L3MBTL1: variants seen among roughly 807,000 people sequenced by gnomAD.
L3MBTL1 encodes L3MBTL histone methyl-lysine binding protein 1, also known as lethal(3)malignant brain tumor-like protein 1.
Under a neutral mutation model 105.3 loss-of-function variants are expected in L3MBTL1, and 75 were observed. The ratio of observed to expected loss-of-function variants is 0.71; its 90% CI spans 0.59 to 0.86. The LOEUF (loss-of-function observed/expected upper bound fraction) is 0.86, where lower values mean the gene tolerates loss of function less well. Ranked by LOEUF, L3MBTL1 falls within the 40% of genes least tolerant of loss-of-function variation. The pLI is 0.00. For synonymous variants in L3MBTL1, 452 were observed against 436.2 expected (o/e 1.04, Z -0.45); for missense variants, 1,069 against 1,126.4 (o/e 0.95, Z 0.73).
intron 8 of L3MBTL1, 101 bp downstream of exon 8, chr20:43,528,846 C>T: frequency 1.1e-6 from 1 of 881,846 alleles, no homozygotes; most frequent in Non-Finnish European, 1.9e-6. Context: ...AGGCATGCCT[C>T]AGTGGACTGG....
At chr20:43,527,167 T>C (rs574566983) in intron 7 of L3MBTL1, among the ~76,000 whole-genome samples, 16 of 152,306 alleles carry the variant, frequency 1.1e-4, no homozygotes, top group African/African-American at 3.8e-4. Flanking sequence ...TTCATAAGGA[T>C]CTTTTATACA....
At chr20:43,546,592 A>G (rs1978614494), downstream of L3MBTL1, among the ~76,000 whole-genome samples, 1 of 152,104 alleles carries the variant, frequency 6.6e-6, no homozygotes, top group Non-Finnish European at 1.5e-5. Flanking sequence ...AGGGGTGAGC[A>G]TAGGAGGGAT....
At chr20:43,532,971 G>A in intron 12 of L3MBTL1, 47 bp downstream of exon 12, 1 of 1,597,142 alleles carries the variant, frequency 6.3e-7, no homozygotes, top group Non-Finnish European at 8.6e-7. Context: ...GGGGATGGCA[G>A]GGGGCAACTG....
At chr20:43,523,147 T>A (rs1223373554) in intron 7 of L3MBTL1, 4 of 152,122 alleles carry the variant, frequency 2.6e-5, no homozygotes, top group Non-Finnish European at 5.9e-5. Context: ...AATGTCAGAA[T>A]ATGCAAAAAT....
intron 19 of L3MBTL1, among the ~76,000 whole-genome samples, chr20:43,537,415 C>T (rs1459125875): frequency 6.6e-6 from 1 of 152,140 alleles, no homozygotes; most frequent in Admixed American, 6.5e-5. Context: ...TCCTGGGGTC[C>T]CATGATGTGT....
intron 1 of L3MBTL1, among the ~76,000 whole-genome samples, chr20:43,511,141 C>T (rs892399985): frequency 9.9e-5 from 15 of 152,140 alleles, no homozygotes; most frequent in Non-Finnish European, 7.3e-5. Context: ...TACCCTCCAC[C>T]TCCCGGGTTC....
chr20:43,515,558 C>G, intron 6 of L3MBTL1, 143 bp downstream of exon 6: 1 of 1,084,108 alleles, frequency 9.2e-7, no homozygotes. Context: ...GGGGTCCCAT[C>G]CTGAGTTAGG....
At chr20:43,535,146 G>A (rs1397219703) in intron 16 of L3MBTL1, among the ~76,000 whole-genome samples, 2 of 152,106 alleles carry the variant, frequency 1.3e-5, no homozygotes, top group African/African-American at 2.4e-5. Context: ...CCCAGTTGTC[G>A]GGGTTTGGGG....
intron 3 of L3MBTL1, 109 bp downstream of exon 3, chr20:43,514,170 G>A: frequency 9.9e-7 from 1 of 1,014,184 alleles, no homozygotes; most frequent in Non-Finnish European, 1.5e-6. Flanking sequence ...TGGCTCAGAT[G>A]ATGGGCCCTA....
intron 18 of L3MBTL1, chr20:43,548,097 C>T (rs1978747992): frequency 2.3e-6 from 3 of 1,303,602 alleles, no homozygotes; most frequent in South Asian, 2.5e-5. Flanking sequence ...CACCTCCCTC[C>T]CGCAACCCCT....
At chr20:43,511,284 A>T (rs2145366252) in intron 1 of L3MBTL1, among the ~76,000 whole-genome samples, 1 of 152,380 alleles carries the variant, frequency 6.6e-6, no homozygotes, top group South Asian at 2.1e-4. Flanking sequence ...TTAAGCACCT[A>T]CTATGTGCCA....
intron 8 of L3MBTL1, 60 bp downstream of exon 8, chr20:43,528,805 C>A (rs1448226743): frequency 1.6e-6 from 2 of 1,276,568 alleles, no homozygotes; most frequent in Non-Finnish European, 2.3e-6. Flanking sequence ...GACACACCAC[C>A]AACCTCAGGC....
Position 43,530,832 on chromosome 20 carries a change from C to A in L3MBTL1, c.1227C>A (p.Tyr409Ter). 6.2e-7 allele frequency: 1 copy of A among 1,614,214 alleles called. No individual in the cohort carries two copies. The highest frequency in any genetic ancestry group is 8.5e-7 in the Non-Finnish European group (1 of 1,180,036). The change falls in exon 11 of 22, where the codon TAC (tyrosine) becomes TAA (stop). Residue 409 changes from tyrosine to a stop codon, truncating the protein, a stop_gained. Transcript: ENST00000418998. LOFTEE classifies it high-confidence loss of function. The stretch of plus-strand genomic sequence containing the variant: ...AGGAGGAGTTCAGCTGGAGCCAGTA[C>A]CTGCGCAGCACAAGAGCTCAGGCTG... ...YKEEEFSWSQ[Y>*]LRSTRAQAAP...
chr20:43,545,288 C>T (rs538931004), downstream of L3MBTL1, among the ~76,000 whole-genome samples: 4 of 151,996 alleles, frequency 2.6e-5, no homozygotes, highest in Admixed American at 1.3e-4. Flanking sequence ...TCACTTGAAC[C>T]CAGGAGGTGA....
At chr20:43,526,269 G>A (rs1289309050) in intron 7 of L3MBTL1, among the ~76,000 whole-genome samples, 1 of 152,180 alleles carries the variant, frequency 6.6e-6, no homozygotes, top group Non-Finnish European at 1.5e-5. Context: ...AGGAAGAAAT[G>A]GCTGTTGGGA....
chr20:43,548,101 A>G (rs1449345340), intron 18 of L3MBTL1: 4 of 1,266,218 alleles, frequency 3.2e-6, no homozygotes, highest in Non-Finnish European at 4.1e-6. Context: ...TCCCTCCCGC[A>G]ACCCCTCAGA....
intron 7 of L3MBTL1, among the ~76,000 whole-genome samples, chr20:43,525,213 G>A (rs1366413965): frequency 1.3e-5 from 2 of 151,980 alleles, no homozygotes; most frequent in Non-Finnish European, 2.9e-5. Flanking sequence ...AACGAATACC[G>A]AAAGGGCCAC....
At chr20:43,540,909 G>C in intron 21 of L3MBTL1, 25 bp from the exon 22 acceptor site, 1 of 1,613,518 alleles carries the variant, frequency 6.2e-7, no homozygotes, top group Non-Finnish European at 8.5e-7. Context: ...CTTCTGCTAA[G>C]GAGGGACCCG....
rs2019887381 is a variant in L3MBTL1 at position 43,540,989 on chromosome 20, C to T, written c.2450C>T (p.Ala817Val). 6.2e-7 allele frequency: 1 copy of T among 1,614,000 alleles called. No homozygotes were observed. Among genetic ancestry groups the T allele is most frequent in the Admixed American group, 1.7e-5 (1 of 59,986 alleles). Residue 817 changes from alanine to valine, a missense_variant, in exon 22 of 22, where the codon GCC becomes GTC. Ala to Val is a moderately conservative substitution (Grantham distance 64). Coordinates refer to ENST00000418998, the MANE Select transcript of L3MBTL1 (RefSeq NM_001377303.1). ...VSGKTLVWTV[A>V]QLGDLVCSDH... ...GGGAAGACTCTAGTCTGGACTGTGG[C>T]CCAGCTTGGGGACCTTGTGTGCTCA... is the stretch of plus-strand genomic sequence containing the variant.
Sources: allele counts gnomAD v4.1 joint callset (sites outside exome capture counted in the v4.1 genomes callset), GRCh38; gene constraint gnomAD v4.1.1; transcripts MANE v1.5; gene names NCBI Gene and HGNC (gene_info 2026-07-23, HGNC 2026-07-21).